The following TSC22D1 variants were observed in gnomAD, a reference collection of about 807,000 sequenced individuals.
TSC22D1 encodes the protein TSC22 domain family member 1, also known as TSC22 domain family protein 1.
A neutral mutation model predicts 74.2 loss-of-function variants in TSC22D1; 9 were observed. The ratio of observed to expected loss-of-function variants is 0.12; its 90% CI spans 0.07 to 0.21. The LOEUF is 0.21. Among genes scored for constraint, TSC22D1 ranks in the 10% least tolerant of loss-of-function variants. The pLI, the probability that TSC22D1 is intolerant of heterozygous loss-of-function variation, is 1.00. For synonymous variants in TSC22D1, 586 were observed against 492.5 expected (o/e 1.19, Z -2.51); for missense variants, 1,427 against 1,304.7 (o/e 1.09, Z -1.44).
At chr13:44,437,591 T>C (rs1874824867) in intron 1 of TSC22D1, among the ~76,000 whole-genome samples, 1 of 152,204 alleles carries the variant, frequency 6.6e-6, no homozygotes, top group South Asian at 2.1e-4. Flanking sequence ...CATCTCCCTA[T>C]TAGCATCTTC....
At chr13:44,440,321 G>A (rs890487473) in intron 1 of TSC22D1, among the ~76,000 whole-genome samples, 1 of 152,160 alleles carries the variant, frequency 6.6e-6, no homozygotes, top group Non-Finnish European at 1.5e-5. Context: ...GCTCATGCCT[G>A]TAATCCCAGC....
intron 1 of TSC22D1, among the ~76,000 whole-genome samples, chr13:44,513,190 C>T (rs1299714146): frequency 5.3e-5 from 8 of 152,160 alleles, no homozygotes; most frequent in African/African-American, 1.7e-4. Flanking sequence ...AAAAAATGTC[C>T]TTGTAATGGT....
In TSC22D1 at chr13:44,527,422, G is replaced by C. The variant is rs187711054; in HGVS notation, c.2912+45741C>G. ...AATAATTGGTAATGCTATGTTATAA[G>C]GTACCAGCACTGCCCATAAAACAGT... On this transcript the variant is annotated intron_variant, in intron 1 of 2. Transcript: ENST00000458659. Among the ~76,000 whole-genome samples the C allele has an allele frequency of 6.3e-4, 96 of 152,184 alleles. No individual in the cohort carries two copies. In the Middle Eastern group the frequency reaches 0.01, roughly 16 times the overall value.
chr13:44,510,073 T>C (rs1473280824), intron 1 of TSC22D1, among the ~76,000 whole-genome samples: 3 of 150,590 alleles, frequency 2.0e-5, no homozygotes, highest in African/African-American at 4.9e-5. Context: ...TGTCAGCATA[T>C]ATTAGGAGTC....
At chr13:44,498,677 T>A (rs1048872394) in intron 1 of TSC22D1, among the ~76,000 whole-genome samples, 1 of 152,264 alleles carries the variant, frequency 6.6e-6, no homozygotes, top group African/African-American at 2.4e-5. Context: ...CAGTCAAGCA[T>A]AAAATAATTC....
chr13:44,511,548 T>C (rs1315501422), intron 1 of TSC22D1, among the ~76,000 whole-genome samples: 2 of 152,058 alleles, frequency 1.3e-5, no homozygotes, highest in African/African-American at 4.8e-5. Context: ...AATTGACATA[T>C]AGTAATTGTT....
Position 44,491,422 on chromosome 13 carries a change from T to C in TSC22D1, c.2913-55327A>G, listed in dbSNP as rs536540842. The stretch of plus-strand genomic sequence containing the variant: ...CAAAAAAATTAGCTGGACGTAGTGG[T>C]AGGCACCTGTAGTCCCAGCTACTCG... On this transcript the variant is annotated intron_variant, in intron 1 of 2. Coordinates refer to ENST00000458659, the MANE Select transcript of TSC22D1 (RefSeq NM_183422.4). Among the ~76,000 whole-genome samples the C allele has an allele frequency of 1.0e-3, 153 of 151,454 alleles. 2 individuals are homozygous for C. The highest frequency in any genetic ancestry group is 1.5e-4 in the Non-Finnish European group (10 of 67,888).
intron 1 of TSC22D1, among the ~76,000 whole-genome samples, chr13:44,526,103 A>AAAAC (rs374969805): frequency 1.4e-4 from 22 of 152,282 alleles, no homozygotes; most frequent in South Asian, 4.1e-4. Context: ...CCCTGTCTCA[A>AAAAC]AAACAAACAA....
Position 44,474,313 on chromosome 13 carries a change from C to T in TSC22D1, c.2913-38218G>A, listed in dbSNP as rs1253302126. ...TCCCACCCAGGCCCAACTGACACTCCTGGTGGACAAACAAGTGCTTCAGGA... is the reference window on the plus strand; with the variant it reads ...TCCCACCCAGGCCCAACTGACACTCTTGGTGGACAAACAAGTGCTTCAGGA... On this transcript the variant is annotated intron_variant, in intron 1 of 2. Coordinates refer to ENST00000458659, the MANE Select transcript of TSC22D1 (RefSeq NM_183422.4). 4 of 984,148 alleles carry T rather than the reference C, an allele frequency of 4.1e-6. No individual in the cohort carries two copies. In the African/African-American group the frequency reaches 5.2e-5, roughly 13 times the overall value. 61.0% of individuals were successfully genotyped at this position (984,148 alleles called of 1,614,324 possible). A position where few individuals can be genotyped will look rare whatever the true frequency, so the allele number is the denominator to read the frequency against.
rs1884224658 is a variant in TSC22D1, at chr13:44,576,098, A to G, written c.-24T>C. The G allele has an allele frequency of 6.7e-7, 1 of 1,495,142 alleles. No homozygotes were observed. The highest frequency in any genetic ancestry group is 8.9e-7 in the Non-Finnish European group (1 of 1,128,780). 92.6% of individuals were successfully genotyped at this position (1,495,142 alleles called of 1,614,324 possible). A position where few individuals can be genotyped will look rare whatever the true frequency, so the allele number is the denominator to read the frequency against. On this transcript the variant is annotated 5_prime_UTR_variant, in exon 1 of 3. Transcript: ENST00000458659. The stretch of plus-strand genomic sequence containing the variant: ...ATTGTGTTGGGTACCGGGGGCGCGG[A>G]GGAGACGAGTGCAATTTCCTTCTGC...
Position 44,432,603 on chromosome 13 carries a change from C to G in TSC22D1, c.*2023G>C, listed in dbSNP as rs749842886. 1 of 152,170 alleles carries G rather than the reference C, an allele frequency of 6.6e-6. No individual in the cohort carries two copies. Among genetic ancestry groups the G allele is most frequent in the African/African-American group, 2.4e-5 (1 of 41,444 alleles). The allele number at this position is 152,170 out of a possible 1,614,324, so 9.4% of individuals were successfully genotyped here. On this transcript the variant is annotated 3_prime_UTR_variant, in exon 3 of 3. Transcript: ENST00000458659. The stretch of plus-strand genomic sequence containing the variant: ...CCACTTTATAACACATGCACGCTAT[C>G]GAACAATTCTTTTTAGGGATCTTGG...
chr13:44,436,586 C>T (rs140145147), intron 1 of TSC22D1: 7 of 1,614,018 alleles, frequency 4.3e-6, no homozygotes, highest in Non-Finnish European at 5.9e-6. Flanking sequence ...AGTTGGTAAA[C>T]TCCTAGATCC....
At position 44,574,449 on chromosome 13, in the gene TSC22D1, T is replaced by G. The variant is rs1884041414; in HGVS notation, c.1626A>C (p.Ser542=). 6.2e-7 allele frequency: 1 copy of G among 1,614,108 alleles called. No homozygotes were observed. ...ACTGTAATTGTACTTGTGAGATCTG[T>G]GACTGAGAAATACTCTGTGGTATAC... ...AVSIPQSISQ[S]QISQVQLQSQ... is the part of the protein sequence containing the mutation. Residue 542 remains serine, a synonymous_variant, in exon 1 of 3, where the codon TCA becomes TCC. Coordinates refer to ENST00000458659, the MANE Select transcript of TSC22D1 (RefSeq NM_183422.4).
intron 1 of TSC22D1, chr13:44,538,264 T>A (rs1409570086): frequency 1.0e-6 from 1 of 985,236 alleles, no homozygotes; most frequent in African/African-American, 1.7e-5. Context: ...AGATATTTCT[T>A]CTACTTCTCT....
At chr13:44,493,266 G>C (rs998851303) in intron 1 of TSC22D1, among the ~76,000 whole-genome samples, 2 of 152,138 alleles carry the variant, frequency 1.3e-5, no homozygotes, top group Non-Finnish European at 2.9e-5. Flanking sequence ...CACATTTCCA[G>C]CGTGGGACTC....
At chr13:44,534,980 G>A (rs1342136091) in intron 1 of TSC22D1, among the ~76,000 whole-genome samples, 2 of 152,152 alleles carry the variant, frequency 1.3e-5, no homozygotes, top group Non-Finnish European at 2.9e-5. Flanking sequence ...GAGAGCAGGG[G>A]TAGGAAATGC....
chr13:44,457,206 C>T (rs900493463), intron 1 of TSC22D1, among the ~76,000 whole-genome samples: 7 of 152,210 alleles, frequency 4.6e-5, no homozygotes, highest in Non-Finnish European at 8.8e-5. Flanking sequence ...CCTAGGAAAA[C>T]GCAAACAGCA....
At chr13:44,454,918 AG>A in intron 1 of TSC22D1, among the ~76,000 whole-genome samples, 1 of 152,178 alleles carries the variant, frequency 6.6e-6, no homozygotes, top group East Asian at 1.9e-4. Context: ...CACTGGAAAT[AG>A]TTTTTTTTTA....
chr13:44,533,156 G>C (rs1325699824), intron 1 of TSC22D1, among the ~76,000 whole-genome samples: 2 of 152,162 alleles, frequency 1.3e-5, no homozygotes, highest in Non-Finnish European at 2.9e-5. Context: ...GCCAGGCATG[G>C]TGGTTCACTT....
Sources: gnomAD v4.1 joint callset for allele counts (sites outside exome capture counted in the v4.1 genomes callset) on GRCh38, gnomAD v4.1.1 for gene constraint, MANE v1.5 for transcripts, NCBI Gene and HGNC (gene_info 2026-07-23, HGNC 2026-07-21) for gene names.